PEX5L: variants seen among roughly 807,000 people sequenced by gnomAD.
The protein encoded by PEX5L is PEX5-related protein.
In PEX5L, 30 loss-of-function variants were observed where a neutral mutation model predicts 84.0. The ratio of observed to expected loss-of-function variants is 0.36; its 90% confidence interval spans 0.27 to 0.48. The LOEUF is 0.48. Ranked by LOEUF, PEX5L falls within the 20% of genes least tolerant of loss-of-function variation. The pLI is 0.99. For missense variants in PEX5L, 533 were observed against 754.6 expected, an observed-to-expected ratio of 0.71 and a Z score of 3.44; for synonymous variants, 270 against 283.1, an observed-to-expected ratio of 0.95 and a Z score of 0.46.
intron 2 of PEX5L, among the ~76,000 whole-genome samples, chr3:179,921,386 G>A (rs1560717975): frequency 6.6e-6 from 1 of 152,114 alleles, no homozygotes; most frequent in African/African-American, 2.4e-5. Context: ...GCAGAATGAA[G>A]GCTTTTCCTT....
Position 179,938,010 on chromosome 3 carries a change from C to T in PEX5L, c.93+33584G>A, listed in dbSNP as rs1356661750. Among the ~76,000 whole-genome samples the T allele has an allele frequency of 2.0e-5, 3 of 152,022 alleles. No individual in the cohort carries two copies. The East Asian group carries it at 5.8e-4, about 29-fold the overall frequency. On this transcript the variant is annotated intron_variant, in intron 2 of 14. Coordinates refer to ENST00000467460, the MANE Select transcript of PEX5L (RefSeq NM_016559.3). ...CCACCACCTCCTCCATCTCTACCTC[C>T]ACCACCACCGTCACCACTACCTTCA...
chr3:179,827,261 T>C (rs1730860572), intron 8 of PEX5L, among the ~76,000 whole-genome samples: 2 of 152,188 alleles, frequency 1.3e-5, no homozygotes, highest in African/African-American at 4.8e-5. Flanking sequence ...TAAAAGGTGA[T>C]ACAGTTTCTG....
At chr3:179,947,974 G>C (rs1450222310) in intron 2 of PEX5L, among the ~76,000 whole-genome samples, 2 of 151,992 alleles carry the variant, frequency 1.3e-5, no homozygotes, top group Admixed American at 6.5e-5. Context: ...CCAAAGTGCT[G>C]GGATTACAGA....
intron 4 of PEX5L, among the ~76,000 whole-genome samples, chr3:179,880,697 G>C (rs1753872445): frequency 6.6e-6 from 1 of 152,196 alleles, no homozygotes; most frequent in African/African-American, 2.4e-5. Context: ...TGCCTTTGCT[G>C]TTTAGTATGC....
intron 8 of PEX5L, among the ~76,000 whole-genome samples, chr3:179,850,673 G>C (rs1741479986): frequency 6.6e-6 from 1 of 152,052 alleles, no homozygotes; most frequent in Non-Finnish European, 1.5e-5. Flanking sequence ...CCAATCTTTA[G>C]GAAATCTCTA....
At chr3:179,998,836 C>T (rs1788127444) in intron 1 of PEX5L, among the ~76,000 whole-genome samples, 1 of 152,252 alleles carries the variant, frequency 6.6e-6, no homozygotes, top group Non-Finnish European at 1.5e-5. Flanking sequence ...CCTGCCTTCT[C>T]TCTTCCAGCC....
chr3:179,938,402 G>T (rs1045068081), intron 2 of PEX5L, among the ~76,000 whole-genome samples: 1 of 152,166 alleles, frequency 6.6e-6, no homozygotes, highest in East Asian at 1.9e-4. Context: ...TGCACAAAAG[G>T]CCTTGAAATC....
intron 8 of PEX5L, among the ~76,000 whole-genome samples, chr3:179,850,588 AT>A (rs1282807706): frequency 6.6e-6 from 1 of 152,144 alleles, no homozygotes; most frequent in African/African-American, 2.4e-5. Context: ...GAGTTTTGCC[AT>A]TTTCCCAATG....
chr3:180,015,443 C>T (rs1027079512), intron 1 of PEX5L, among the ~76,000 whole-genome samples: 1 of 152,062 alleles, frequency 6.6e-6, no homozygotes, highest in Admixed American at 6.6e-5. Context: ...CTTAGTATAA[C>T]AGAAGAAAAA....
intron 2 of PEX5L, among the ~76,000 whole-genome samples, chr3:179,903,698 G>C (rs1762202377): frequency 6.6e-6 from 1 of 152,172 alleles, no homozygotes; most frequent in African/African-American, 2.4e-5. Flanking sequence ...AGTGTCGTAA[G>C]TGTCATGCTC....
intron 14 of PEX5L, 101 bp downstream of exon 14, chr3:179,807,573 C>T: frequency 8.9e-7 from 1 of 1,122,538 alleles, no homozygotes; most frequent in Non-Finnish European, 1.3e-6. Flanking sequence ...AGGAGGAATA[C>T]TCCTACCAAG....
intron 8 of PEX5L, among the ~76,000 whole-genome samples, chr3:179,839,860 TTTTG>T (rs1465280479): frequency 6.6e-6 from 1 of 152,156 alleles, no homozygotes; most frequent in African/African-American, 2.4e-5. Flanking sequence ...TGGAAGTTCT[TTTTG>T]TTTGTTTTTG....
intron 5 of PEX5L, among the ~76,000 whole-genome samples, chr3:179,876,420 C>T (rs889907655): frequency 2.0e-5 from 3 of 151,740 alleles, no homozygotes; most frequent in Admixed American, 2.0e-4. Flanking sequence ...TTGCTTGATC[C>T]TGGGAGGTGG....
chr3:179,908,804 T>C (rs1764170009), intron 2 of PEX5L, among the ~76,000 whole-genome samples: 1 of 152,202 alleles, frequency 6.6e-6, no homozygotes, highest in African/African-American at 2.4e-5. Context: ...GAACTCATCA[T>C]TTTTTATGGC....
At chr3:179,813,634 ATTACAG>A (rs1230475953) in intron 10 of PEX5L, among the ~76,000 whole-genome samples, 4 of 147,412 alleles carry the variant, frequency 2.7e-5, no homozygotes, top group Non-Finnish European at 6.0e-5. Flanking sequence ...AGTAGCTGGG[ATTACAG>A]GCATGAGCCA....
At chr3:179,917,913 C>T (rs1008915818) in intron 2 of PEX5L, among the ~76,000 whole-genome samples, 1 of 152,128 alleles carries the variant, frequency 6.6e-6, no homozygotes, top group Non-Finnish European at 1.5e-5. Context: ...CCTGCCTCGG[C>T]CTCCCAAAGT....
chr3:180,025,228 A>C (rs1790841246), intron 1 of PEX5L, among the ~76,000 whole-genome samples: 1 of 152,140 alleles, frequency 6.6e-6, no homozygotes, highest in African/African-American at 2.4e-5. Flanking sequence ...GGCTGTGTGT[A>C]TCTTAGCATC....
chr3:179,872,981 T>G (rs1437684874), intron 7 of PEX5L, among the ~76,000 whole-genome samples: 2 of 152,226 alleles, frequency 1.3e-5, no homozygotes, highest in Admixed American at 6.5e-5. Flanking sequence ...AGGAAGTTAG[T>G]GGACTTGTTT....
chr3:179,811,151 G>A (rs148835201), intron 11 of PEX5L, among the ~76,000 whole-genome samples: 1 of 151,806 alleles, frequency 6.6e-6, no homozygotes, highest in Non-Finnish European at 1.5e-5. Context: ...CAAAGCTATA[G>A]GATTTATACA....
Sources: gnomAD v4.1 joint callset for allele counts (sites outside exome capture counted in the v4.1 genomes callset) on GRCh38, gnomAD v4.1.1 for gene constraint, MANE v1.5 for transcripts, NCBI Gene and HGNC (gene_info 2026-07-23, HGNC 2026-07-21) for gene names.